Variants in ALG13 observed in about 807,000 individuals in gnomAD.
The protein encoded by ALG13 is UDP-N-acetylglucosamine transferase subunit ALG13.
In ALG13, 11 loss-of-function variants were observed where a neutral mutation model predicts 87.8. That is an observed-to-expected ratio of 0.13 (90% CI 0.08 to 0.21). The LOEUF (loss-of-function observed/expected upper bound fraction) is 0.21. ALG13 is among the 10% of genes least tolerant of loss of function. The pLI is 1.00. For synonymous variants in ALG13, 320 were observed against 306.3 expected (o/e 1.04, Z -0.47); for missense variants, 756 against 866.1 (o/e 0.87, Z 1.60).
At chrX:111,730,805 GA>G (rs762420502) in intron 21 of ALG13, among the ~76,000 whole-genome samples, 53 of 112,037 alleles carry the variant, frequency 4.7e-4, no homozygotes, top group African/African-American at 1.2e-3. Flanking sequence ...GTTTTATTAT[GA>G]TTTTTTTATT....
At chrX:111,686,483 C>T (rs1442721758) in intron 3 of ALG13, among the ~76,000 whole-genome samples, 2 of 111,504 alleles carry the variant, frequency 1.8e-5, no homozygotes, top group Non-Finnish European at 3.8e-5. Context: ...AAAACAAAGA[C>T]TCCTGTTCTT....
At chrX:111,739,584 T>C (rs145767447) in intron 23 of ALG13, among the ~76,000 whole-genome samples, 238 of 112,409 alleles carry the variant, frequency 2.1e-3, no homozygotes, top group African/African-American at 7.5e-3. Context: ...TTTGACAGCA[T>C]TGCTTTATGC....
chrX:111,757,479 G>A (rs1945363251), intron 25 of ALG13, 109 bp from the exon 26 acceptor site: 4 of 581,746 alleles, frequency 6.9e-6, no homozygotes, highest in Non-Finnish European at 7.4e-6. Context: ...CCTGAAAATC[G>A]TGGCCCAATT....
In ALG13 at chrX:111,757,744, G is replaced by A. The variant is rs1064796719; in HGVS notation, c.3130G>A (p.Ala1044Thr). ...GGTGAGGAGAGAAGATGGCATACAG[G>A]CGGAAGCATCAGCAAATGGTGAGTG... Reference protein sequence around the residue: ...SEVRREDGIQAEASANDTFPN... With the variant: ...SEVRREDGIQTEASANDTFPN... The change falls in exon 26 of 27, where the codon GCG becomes ACG. Residue 1044 changes from alanine to threonine, a missense_variant. Coordinates refer to ENST00000394780, the MANE Select transcript of ALG13 (RefSeq NM_001099922.3). 9.1e-6 allele frequency: 11 copies of A among 1,205,081 alleles called. No homozygotes were observed. The highest frequency in any genetic ancestry group is 1.1e-5 in the Non-Finnish European group (10 of 893,761).
In ALG13 at chrX:111,757,757, C is replaced by G. The variant is rs773401427; in HGVS notation, c.3143C>G (p.Ala1048Gly). Reference protein sequence around the residue: ...REDGIQAEASANDTFPNADSS... With the variant: ...REDGIQAEASGNDTFPNADSS... ...GATGGCATACAGGCGGAAGCATCAG[C>G]AAATGGTGAGTGTGTAATGAGATTG... The change falls in exon 26 of 27, where the codon GCA becomes GGA. Residue 1048 changes from alanine to glycine, a missense_variant. Around this residue, in one of 9 missense-constraint regions of ALG13, gnomAD observed 110 missense variants for 104.9 expected, o/e 1.05. Transcript: ENST00000394780. The G allele has an allele frequency of 4.4e-5, 53 of 1,203,211 alleles. No homozygotes were observed. In the Admixed American group the frequency reaches 9.2e-4, roughly 21 times the overall value.
chrX:111,681,437 C>T (rs1440609309), intron 1 of ALG13, 138 bp downstream of exon 1: 1 of 1,124,049 alleles, frequency 8.9e-7, no homozygotes. Context: ...GCCGCTGCCC[C>T]TTAGCTGGCT....
At chrX:111,752,703 A>G (rs1368101551) in intron 24 of ALG13, 87 bp from the exon 25 acceptor site, 2 of 663,289 alleles carry the variant, frequency 3.0e-6, no homozygotes, top group Non-Finnish European at 4.7e-6. Context: ...GGCATGAGCC[A>G]CCGTGCCCAG....
chrX:111,695,040 A>G (rs774261562), intron 3 of ALG13, among the ~76,000 whole-genome samples: 61 of 112,406 alleles, frequency 5.4e-4, no homozygotes, highest in African/African-American at 1.8e-3. Flanking sequence ...TACGGAAAGC[A>G]GATTTTTCAT....
At chrX:111,750,620 G>C (rs1220320122) in intron 24 of ALG13, among the ~76,000 whole-genome samples, 1 of 109,632 alleles carries the variant, frequency 9.1e-6, no homozygotes, top group Non-Finnish European at 1.9e-5. Flanking sequence ...TTTTTTAGCA[G>C]TATTGTATTG....
intron 16 of ALG13, 78 bp downstream of exon 16, chrX:111,727,133 C>A (rs906597237): frequency 9.0e-7 from 1 of 1,114,053 alleles, no homozygotes; most frequent in Non-Finnish European, 1.2e-6. Flanking sequence ...AGATAGAATG[C>A]CATCAAGATG....
chrX:111,705,003 G>A (rs757006792), intron 3 of ALG13, among the ~76,000 whole-genome samples: 78 of 111,429 alleles, frequency 7.0e-4, no homozygotes, highest in African/African-American at 2.3e-3. Context: ...CTCCAGCCCC[G>A]GGCAACCACT....
At chrX:111,688,116 T>C (rs777223517) in intron 3 of ALG13, 2 of 855,502 alleles carry the variant, frequency 2.3e-6, no homozygotes, top group African/African-American at 4.3e-5. Context: ...ATAAACTTCC[T>C]ACATCTATAG....
At chrX:111,736,100 TCAA>T (rs1292332397) in intron 22 of ALG13, among the ~76,000 whole-genome samples, 1 of 111,222 alleles carries the variant, frequency 9.0e-6, no homozygotes, top group Non-Finnish European at 1.9e-5. Context: ...GCCCAGGGGT[TCAA>T]CACCAGCCTT....
Position 111,722,786 on chromosome X carries a change from T to C in ALG13, c.1436-7T>C. 1 of 1,171,786 alleles carries C rather than the reference T, an allele frequency of 8.5e-7. No homozygotes were observed. On this transcript the variant is annotated splice_region_variant and splice_polypyrimidine_tract_variant and intron_variant, in intron 12 of 26. Transcript: ENST00000394780. ...GTTGAGCTTGAATCTTCATTTTCTT[T>C]TAATAGAACTTCAAAAATCTGATTA...
At chrX:111,683,515 T>C (rs372630531) in intron 2 of ALG13, among the ~76,000 whole-genome samples, 1 of 107,953 alleles carries the variant, frequency 9.3e-6, no homozygotes, top group African/African-American at 3.4e-5. Flanking sequence ...TTTCTTTGTA[T>C]TTTAGTAGAG....
Position 111,727,050 on chromosome X carries a change from G to A in ALG13, c.1971G>A (p.Met657Ile), listed in dbSNP as rs1290639452. 84 of 1,209,149 alleles carry A rather than the reference G, an allele frequency of 6.9e-5. 1 individual carries two copies. The Admixed American group carries it at 1.8e-3, about 26-fold the overall frequency. Residue 657 changes from methionine (M) to isoleucine (I), a missense_variant, in exon 16 of 27, where the codon ATG becomes ATA. Physicochemically the swap from Met to Ile is conservative, Grantham distance 10. This residue lies in a region of ALG13 where 362 missense variants were observed against 383.5 expected (regional missense o/e 0.94). Coordinates refer to ENST00000394780, the MANE Select transcript of ALG13 (RefSeq NM_001099922.3). ...PSPRQGRGYG[M>I]PRNSSRFINR... Reference sequence around the variant, plus strand: ...CGAGACAAGGTCGGGGATATGGGATGCCCAGGTAAGACATTGACAGATTTG... The same window carrying A: ...CGAGACAAGGTCGGGGATATGGGATACCCAGGTAAGACATTGACAGATTTG...
At chrX:111,712,156 C>G (rs1203770747) in intron 6 of ALG13, among the ~76,000 whole-genome samples, 3 of 111,781 alleles carry the variant, frequency 2.7e-5, no homozygotes, top group African/African-American at 9.7e-5. Flanking sequence ...AAAGTTAATT[C>G]CATAGTTCTG....
At chrX:111,731,133 C>T (rs767442737) in intron 21 of ALG13, among the ~76,000 whole-genome samples, 1 of 111,949 alleles carries the variant, frequency 8.9e-6, no homozygotes, top group Non-Finnish European at 1.9e-5. Flanking sequence ...AACTTGCCCT[C>T]CCTCTCATAG....
At chrX:111,722,741 A>G in intron 12 of ALG13, 52 bp from the exon 13 acceptor site, 11 of 864,546 alleles carry the variant, frequency 1.3e-5, no homozygotes, top group Middle Eastern at 2.7e-4. Context: ...ATTAAATGAT[A>G]TAGGAAAGGA....
Sources: gnomAD v4.1 joint callset for allele counts (sites outside exome capture counted in the v4.1 genomes callset) on GRCh38, gnomAD v4.1.1 for gene constraint, gnomAD v4.1.1 regional missense constraint, MANE v1.5 for transcripts, NCBI Gene and HGNC (gene_info 2026-07-23, HGNC 2026-07-21) for gene names.